The following PPP2R2B variants were observed in gnomAD, a reference collection of about 807,000 sequenced individuals.
PPP2R2B encodes the protein serine/threonine-protein phosphatase 2A 55 kDa regulatory subunit B beta isoform.
Under a neutral mutation model 46.0 loss-of-function variants are expected in PPP2R2B, and 5 were observed. The observed-to-expected ratio is 0.11, with a 90% CI of 0.06 to 0.23. PPP2R2B has a LOEUF of 0.23. PPP2R2B is among the 10% of genes least tolerant of loss of function. The probability of loss-of-function intolerance (pLI) is 1.00; values close to 1 mark genes in which losing one functional copy is unlikely to be tolerated. For missense variants in PPP2R2B, 367 were observed against 575.0 expected (o/e 0.64, Z 3.70); for synonymous variants, 215 against 206.7 (o/e 1.04, Z -0.34).
At chr5:146,865,940 C>A (rs1761285670) in intron 2 of PPP2R2B, among the ~76,000 whole-genome samples, 1 of 152,196 alleles carries the variant, frequency 6.6e-6, no homozygotes. Flanking sequence ...TGCAGCCACT[C>A]ACTTAGACGA....
chr5:146,998,679 T>A (rs1446883322), intron 1 of PPP2R2B, among the ~76,000 whole-genome samples: 1 of 152,168 alleles, frequency 6.6e-6, no homozygotes, highest in Non-Finnish European at 1.5e-5. Context: ...TAACTTCTAG[T>A]CCAGTGGTTT....
At chr5:146,687,513 C>G (rs1028728806) in intron 5 of PPP2R2B, among the ~76,000 whole-genome samples, 2 of 152,100 alleles carry the variant, frequency 1.3e-5, no homozygotes, top group African/African-American at 4.8e-5. Context: ...GCATTTTCAC[C>G]TGCTAAATAC....
upstream of PPP2R2B, among the ~76,000 whole-genome samples, chr5:147,057,826 C>T (rs903590507): frequency 7.2e-5 from 11 of 152,100 alleles, no homozygotes; most frequent in Non-Finnish European, 1.6e-4. Flanking sequence ...TGATCTTGGG[C>T]AACTTACTTA....
intron 2 of PPP2R2B, among the ~76,000 whole-genome samples, chr5:147,065,917 T>C (rs1376517854): frequency 1.3e-5 from 2 of 152,078 alleles, no homozygotes; most frequent in African/African-American, 2.4e-5. Context: ...CCTTTAAATC[T>C]TGTAACATCC....
chr5:146,878,641 G>A lies in PPP2R2B; in HGVS notation c.-175C>T, dbSNP rs149731626. 26 of 1,258,380 alleles carry A rather than the reference G, an allele frequency of 2.1e-5. No homozygotes were observed. The highest frequency in any genetic ancestry group is 3.4e-5 in the East Asian group (1 of 29,294). The allele number at this position is 1,258,380 out of a possible 1,614,324, so 78.0% of individuals were successfully genotyped here. A position where few individuals can be genotyped will look rare whatever the true frequency, so the allele number is the denominator to read the frequency against. ...CACGGGAGGGCGGCTCCGGCAGGCG[G>A]GGGTAGGGAAGCTGGCGGGGAGCTG... On this transcript the variant is annotated 5_prime_UTR_variant, in exon 1 of 10. Coordinates refer to ENST00000394411, the MANE Select transcript of PPP2R2B (RefSeq NM_181675.4). This position sits in a 1 kb window ranked among gnomAD's most constrained non-coding sequence, Gnocchi z 4.5.
upstream of PPP2R2B, among the ~76,000 whole-genome samples, chr5:146,882,979 T>A (rs1313134894): frequency 6.6e-6 from 1 of 152,196 alleles, no homozygotes; most frequent in Non-Finnish European, 1.5e-5. Flanking sequence ...AACACTCACA[T>A]ACCCACTCTT....
chr5:146,834,728 G>A (rs746704319), intron 2 of PPP2R2B, among the ~76,000 whole-genome samples: 4 of 148,366 alleles, frequency 2.7e-5, no homozygotes, highest in Non-Finnish European at 1.5e-5. Context: ...CACCCAAGTA[G>A]TGAGGATAGT....
intron 7 of PPP2R2B, among the ~76,000 whole-genome samples, chr5:146,637,981 C>T (rs540326921): frequency 2.8e-4 from 43 of 152,352 alleles, no homozygotes; most frequent in South Asian, 1.4e-3. Flanking sequence ...GCATGATTTC[C>T]TTAACACATA....
chr5:146,680,018 C>T (rs1436658904), intron 5 of PPP2R2B, among the ~76,000 whole-genome samples: 10 of 148,770 alleles, frequency 6.7e-5, no homozygotes, highest in African/African-American at 2.5e-4. Flanking sequence ...CTAGAAATCC[C>T]ATTTGACCCA....
At chr5:147,059,294 C>T (rs940908603), upstream of PPP2R2B, among the ~76,000 whole-genome samples, 1 of 152,164 alleles carries the variant, frequency 6.6e-6, no homozygotes, top group Admixed American at 6.5e-5. Context: ...GTTACAGATC[C>T]ATGCTTTTGC....
chr5:146,813,246 C>A (rs1180905071), intron 2 of PPP2R2B, among the ~76,000 whole-genome samples: 1 of 151,956 alleles, frequency 6.6e-6, no homozygotes, highest in Admixed American at 6.6e-5. Flanking sequence ...AAAAAAACCC[C>A]TCTCTTTACA....
At chr5:146,906,092 AGT>A (rs1210503275) in intron 1 of PPP2R2B, among the ~76,000 whole-genome samples, 12 of 152,170 alleles carry the variant, frequency 7.9e-5, no homozygotes, top group Non-Finnish European at 1.6e-4. Flanking sequence ...ATAAAAATTA[AGT>A]ATTTCTAGTA....
At chr5:147,040,397 C>T (rs895285454) in intron 1 of PPP2R2B, among the ~76,000 whole-genome samples, 5 of 151,982 alleles carry the variant, frequency 3.3e-5, no homozygotes, top group African/African-American at 1.2e-4. Flanking sequence ...AATTTCCAAA[C>T]AGAAGACTAG....
intron 5 of PPP2R2B, among the ~76,000 whole-genome samples, chr5:146,677,239 G>C (rs1006632423): frequency 3.9e-5 from 6 of 152,120 alleles, no homozygotes; most frequent in Admixed American, 1.3e-4. Flanking sequence ...GGATGTTTTC[G>C]CATTAAATAG....
intron 5 of PPP2R2B, among the ~76,000 whole-genome samples, chr5:146,677,766 G>A (rs374444823): frequency 2.6e-5 from 4 of 151,978 alleles, no homozygotes; most frequent in African/African-American, 4.8e-5. Flanking sequence ...GAGCTCAAGC[G>A]ATCCACCCAC....
chr5:147,005,535 TGCACTCCTTGCAAAAACCCAAGGAGGTG>T (rs1413957037), intron 1 of PPP2R2B, among the ~76,000 whole-genome samples: 1 of 152,198 alleles, frequency 6.6e-6, no homozygotes, highest in East Asian at 1.9e-4. Context: ...ATGGAGTTAT[TGCACTCCTTGCAAAAACCCAAGGAGGTG>T]GCAGTCTTAT....
At chr5:147,035,110 A>G in intron 1 of PPP2R2B, 1 of 456,066 alleles carries the variant, frequency 2.2e-6, no homozygotes, top group Non-Finnish European at 4.4e-6. Context: ...TCACACAGCT[A>G]TTGTATAAAT....
At chr5:146,704,310 A>G (rs1438236364) in intron 2 of PPP2R2B, among the ~76,000 whole-genome samples, 1 of 152,228 alleles carries the variant, frequency 6.6e-6, no homozygotes, top group Non-Finnish European at 1.5e-5. Context: ...ATTTTGTGAT[A>G]TGGTAAGAGG....
At chr5:146,774,732 G>T (rs920658940) in intron 2 of PPP2R2B, among the ~76,000 whole-genome samples, 4 of 151,312 alleles carry the variant, frequency 2.6e-5, no homozygotes, top group Non-Finnish European at 4.4e-5. Context: ...CAGGATAATC[G>T]CTTGAGCCTG....
Sources: allele counts gnomAD v4.1 joint callset (sites outside exome capture counted in the v4.1 genomes callset), GRCh38; gene constraint gnomAD v4.1.1; non-coding constraint Gnocchi (gnomAD v3.1); transcripts MANE v1.5; gene names NCBI Gene and HGNC (gene_info 2026-07-23, HGNC 2026-07-21).